The following CFAP54 variants were observed in gnomAD, a reference collection of about 807,000 sequenced individuals.
The protein encoded by CFAP54 is cilia and flagella associated protein 54.
In CFAP54, 290 loss-of-function variants were observed where a neutral mutation model predicts 370.4. The ratio of observed to expected loss-of-function variants is 0.78; its 90% CI spans 0.71 to 0.86. CFAP54 has a LOEUF of 0.86. Ranked by LOEUF, CFAP54 falls within the 40% of genes least tolerant of loss-of-function variation. CFAP54 has a pLI of 0.00. For synonymous variants in CFAP54, 1,206 were observed against 1,236.5 expected, an observed-to-expected ratio of 0.98 and a Z score of 0.52; for missense variants, 3,399 against 3,528.7, an observed-to-expected ratio of 0.96 and a Z score of 0.93.
intron 38 of CFAP54, among the ~76,000 whole-genome samples, chr12:96,661,203 C>T (rs1241765384): frequency 6.6e-6 from 1 of 152,164 alleles, no homozygotes; most frequent in Non-Finnish European, 1.5e-5. Context: ...TCTTATCCTG[C>T]CGTGGTCTTT....
chr12:96,555,228 G>A (rs1476091943), intron 17 of CFAP54, among the ~76,000 whole-genome samples: 1 of 151,926 alleles, frequency 6.6e-6, no homozygotes, highest in African/African-American at 2.4e-5. Context: ...AGTATTATGG[G>A]CACACAGAAA....
Position 96,602,673 on chromosome 12 carries a change from C to G in CFAP54, c.3639+3906C>G, listed in dbSNP as rs565835325. On this transcript the variant is annotated intron_variant, in intron 26 of 67. Transcript: ENST00000524981. ...GGTGCATATATATTTAGGATAGTTA[C>G]CTCATTTTGTTGAATTGATCCCTTT... 1.8e-4 allele frequency among the ~76,000 whole-genome samples: 28 copies of G among 152,112 alleles called. No individual in the cohort carries two copies. In the South Asian group the frequency reaches 5.6e-3, roughly 30 times the overall value.
intron 63 of CFAP54, among the ~76,000 whole-genome samples, chr12:96,803,192 C>CA (rs1487173901): frequency 6.6e-6 from 1 of 152,158 alleles, no homozygotes; most frequent in Non-Finnish European, 1.5e-5. Context: ...GGTATATACC[C>CA]AGTAATGGGA....
At chr12:96,798,010 T>C (rs922178830) in intron 63 of CFAP54, among the ~76,000 whole-genome samples, 3 of 152,044 alleles carry the variant, frequency 2.0e-5, no homozygotes, top group African/African-American at 7.2e-5. Context: ...AGTGGTTACC[T>C]TCAGGACAAC....
At chr12:96,799,522 C>G (rs1055354361) in intron 63 of CFAP54, among the ~76,000 whole-genome samples, 1 of 152,172 alleles carries the variant, frequency 6.6e-6, no homozygotes, top group African/African-American at 2.4e-5. Context: ...TCTTTGTTCT[C>G]CAGCACCATT....
chr12:96,826,837 CATATAATATTATATA>C (rs1959117470), intron 65 of CFAP54, among the ~76,000 whole-genome samples: 1 of 107,494 alleles, frequency 9.3e-6, no homozygotes, highest in Admixed American at 1.2e-4. Context: ...TATAATATAT[CATATAATATTATATA>C]ATATATTATA....
rs190810947 is a variant in CFAP54 at position 96,769,739 on chromosome 12, G to T, written c.8281+4521G>T. 2.4e-3 allele frequency among the ~76,000 whole-genome samples: 369 copies of T among 152,262 alleles called. 1 individual carries two copies. The highest frequency in any genetic ancestry group is 3.8e-3 in the Non-Finnish European group (258 of 68,020). On this transcript the variant is annotated intron_variant, in intron 60 of 67. Transcript: ENST00000524981. ...GGCTACATGGCTGTGATAACAAATA[G>T]AGTTATACACCTGCGCTCTAAACTC...
intron 30 of CFAP54, among the ~76,000 whole-genome samples, chr12:96,629,643 T>C (rs534471680): frequency 7.8e-4 from 113 of 144,450 alleles, no homozygotes; most frequent in African/African-American, 2.8e-3. Flanking sequence ...TTAAAACTTA[T>C]TTATTCAGTC....
At chr12:96,809,951 G>C (rs1958914908) in intron 63 of CFAP54, among the ~76,000 whole-genome samples, 1 of 152,122 alleles carries the variant, frequency 6.6e-6, no homozygotes, top group Non-Finnish European at 1.5e-5. Flanking sequence ...AATGTTTTTA[G>C]TAAAGCACCT....
At chr12:96,626,131 C>T (rs1242263570) in intron 29 of CFAP54, among the ~76,000 whole-genome samples, 1 of 152,106 alleles carries the variant, frequency 6.6e-6, no homozygotes. Flanking sequence ...CGCCTGTAAT[C>T]TCAGCACTTT....
intron 2 of CFAP54, among the ~76,000 whole-genome samples, chr12:96,503,105 T>C (rs557969567): frequency 3.9e-4 from 55 of 142,724 alleles, no homozygotes; most frequent in African/African-American, 1.4e-3. Context: ...TCTCTCTCTC[T>C]CCTTCCTTCC....
chr12:96,832,930 A>T (rs1204131897), intron 66 of CFAP54, among the ~76,000 whole-genome samples: 1 of 152,210 alleles, frequency 6.6e-6, no homozygotes, highest in Non-Finnish European at 1.5e-5. Flanking sequence ...ATGAAATTAC[A>T]TGCCTTCATG....
chr12:96,510,727 T>C (rs1028147101), intron 4 of CFAP54, among the ~76,000 whole-genome samples: 2 of 151,916 alleles, frequency 1.3e-5, no homozygotes, highest in Non-Finnish European at 2.9e-5. Context: ...TCACAGCACT[T>C]TGGGAAGCCA....
intron 23 of CFAP54, among the ~76,000 whole-genome samples, chr12:96,591,392 G>A (rs1446258917): frequency 6.6e-6 from 1 of 152,184 alleles, no homozygotes; most frequent in Non-Finnish European, 1.5e-5. Context: ...GACCACTCAT[G>A]TGAAGTTTGG....
Position 96,534,204 on chromosome 12 carries a change from A to AT in CFAP54, c.1685dup (p.Leu562PhefsTer8), listed in dbSNP as rs779209268. The AT allele has an allele frequency of 1.1e-5, 16 of 1,462,716 alleles. No individual in the cohort carries two copies. Among genetic ancestry groups the AT allele is most frequent in the South Asian group, 1.3e-5 (1 of 77,166 alleles). The allele number at this position is 1,462,716 out of a possible 1,614,324, so 90.6% of individuals were successfully genotyped here. On this transcript the variant is annotated frameshift_variant, in exon 11 of 68. Transcript: ENST00000524981. LOFTEE classifies it high-confidence loss of function. ...AAAGAAGGACAGTCAACTCAAATTT[A>AT]TTTAAAAAAAATTGCTGTTCATGGT...
intron 50 of CFAP54, among the ~76,000 whole-genome samples, chr12:96,738,500 T>G (rs1336949647): frequency 1.3e-5 from 2 of 152,062 alleles, no homozygotes; most frequent in Non-Finnish European, 2.9e-5. Context: ...TTGCTGGCGG[T>G]CCTTGGCGTT....
intron 63 of CFAP54, among the ~76,000 whole-genome samples, chr12:96,796,073 G>C (rs1186839192): frequency 6.6e-6 from 1 of 152,186 alleles, no homozygotes; most frequent in Non-Finnish European, 1.5e-5. Context: ...ATTCCCCAGT[G>C]AGGATGTTTG....
At chr12:96,867,407 T>G (rs1479094039) in intron 67 of CFAP54, among the ~76,000 whole-genome samples, 1 of 152,216 alleles carries the variant, frequency 6.6e-6, no homozygotes, top group South Asian at 2.1e-4. Flanking sequence ...ACTGGCTATA[T>G]ATCCAAAGGA....
intron 50 of CFAP54, among the ~76,000 whole-genome samples, chr12:96,732,514 G>A (rs940675427): frequency 6.6e-6 from 1 of 151,890 alleles, no homozygotes; most frequent in Middle Eastern, 3.2e-3. Flanking sequence ...AAATATAGTT[G>A]TTTGCATAAA....
Sources: gnomAD v4.1 joint callset for allele counts (sites outside exome capture counted in the v4.1 genomes callset) on GRCh38, gnomAD v4.1.1 for gene constraint, MANE v1.5 for transcripts, NCBI Gene and HGNC (gene_info 2026-07-23, HGNC 2026-07-21) for gene names.